The following SKAP2 variants were observed in gnomAD, a reference collection of about 807,000 sequenced individuals.
The protein encoded by SKAP2 is src kinase associated phosphoprotein 2.
A neutral mutation model predicts 54.9 loss-of-function variants in SKAP2; 28 were observed. That is an observed-to-expected ratio of 0.51 (90% CI 0.38 to 0.70). SKAP2 has a LOEUF of 0.70. Ranked by LOEUF, SKAP2 falls within the 30% of genes least tolerant of loss-of-function variation. The pLI, the probability that SKAP2 is intolerant of heterozygous loss-of-function variation, is 0.00. For missense variants in SKAP2, 356 were observed against 424.1 expected (o/e 0.84, Z 1.41); for synonymous variants, 137 against 134.3 (o/e 1.02, Z -0.14).
chr7:26,832,008 T>A (rs186478161), intron 4 of SKAP2, among the ~76,000 whole-genome samples: 6 of 152,268 alleles, frequency 3.9e-5, no homozygotes, highest in Admixed American at 3.3e-4. Context: ...GTAGAAAGTA[T>A]TCTTCCTTCC....
intron 4 of SKAP2, among the ~76,000 whole-genome samples, chr7:26,748,198 C>G (rs1208900306): frequency 1.3e-5 from 2 of 152,068 alleles, no homozygotes; most frequent in Non-Finnish European, 2.9e-5. Context: ...TGAAAAAAAT[C>G]TCTTTAAGAT....
At chr7:26,819,244 A>G (rs977133265) in intron 4 of SKAP2, among the ~76,000 whole-genome samples, 3 of 152,222 alleles carry the variant, frequency 2.0e-5, no homozygotes, top group Non-Finnish European at 4.4e-5. Flanking sequence ...ATGCAGCCAA[A>G]AAAAGGATGA....
intron 6 of SKAP2, among the ~76,000 whole-genome samples, chr7:26,732,735 T>C (rs932710239): frequency 6.6e-6 from 1 of 152,208 alleles, no homozygotes; most frequent in East Asian, 1.9e-4. Flanking sequence ...TATATGAACA[T>C]TCTCCTTTGG....
intron 1 of SKAP2, among the ~76,000 whole-genome samples, chr7:26,856,055 G>A (rs1180391275): frequency 1.3e-5 from 2 of 152,096 alleles, no homozygotes; most frequent in African/African-American, 2.4e-5. Flanking sequence ...TAGAATGTTT[G>A]TAATTCTTGA....
rs565740640 is a variant in SKAP2, at chr7:26,804,662, C to T, written c.307+39368G>A. Among the ~76,000 whole-genome samples, 4 of 151,406 alleles carry T rather than the reference C, an allele frequency of 2.6e-5. No homozygotes were observed. In the South Asian group the frequency reaches 6.3e-4, roughly 24 times the overall value. On this transcript the variant is annotated intron_variant, in intron 4 of 12. Transcript: ENST00000345317. ...GCTGAGGCAGGAGAATCACTTGAAC[C>T]CGGGAGGCGGAGGTTGCAGTGAGCC...
intron 3 of SKAP2, among the ~76,000 whole-genome samples, chr7:26,852,034 G>A (rs143846192): frequency 0.015 from 2,222 of 152,182 alleles, 54 homozygotes; most frequent in African/African-American, 0.05. Flanking sequence ...GTAGAAAGGA[G>A]GAAAAAGGTT....
intron 4 of SKAP2, among the ~76,000 whole-genome samples, chr7:26,832,083 A>G (rs1442541598): frequency 1.3e-5 from 2 of 152,184 alleles, no homozygotes; most frequent in Non-Finnish European, 2.9e-5. Flanking sequence ...AACTTCTTCC[A>G]TAAAACATCT....
chr7:26,749,281 A>T (rs993529023), intron 4 of SKAP2, among the ~76,000 whole-genome samples: 6 of 152,160 alleles, frequency 3.9e-5, no homozygotes, highest in Admixed American at 2.6e-4. Flanking sequence ...ATGAAAAGGA[A>T]CGTTCTTAAC....
intron 9 of SKAP2, among the ~76,000 whole-genome samples, chr7:26,719,616 C>T (rs1787534539): frequency 6.6e-6 from 1 of 152,164 alleles, no homozygotes; most frequent in African/African-American, 2.4e-5. Flanking sequence ...TTTTAGAAAC[C>T]TCTTCCTTCC....
At position 26,704,388 on chromosome 7, in the gene SKAP2, A is replaced by C. The variant is rs545679601; in HGVS notation, c.797-14026T>G. Reference sequence around the variant, plus strand: ...AGCTTCAATCCTAGCCAGGAGCCTAAGAAGATTGATTAATCCTGAATAAGA... The same window carrying C: ...AGCTTCAATCCTAGCCAGGAGCCTACGAAGATTGATTAATCCTGAATAAGA... On this transcript the variant is annotated intron_variant, in intron 9 of 12. Coordinates refer to ENST00000345317, the MANE Select transcript of SKAP2 (RefSeq NM_003930.5). 1.1e-4 allele frequency among the ~76,000 whole-genome samples: 17 copies of C among 152,316 alleles called. No individual in the cohort carries two copies. The South Asian group carries it at 3.5e-3, about 32-fold the overall frequency.
At chr7:26,701,527 G>A (rs2127946118) in intron 9 of SKAP2, among the ~76,000 whole-genome samples, 1 of 152,246 alleles carries the variant, frequency 6.6e-6, no homozygotes, top group Middle Eastern at 3.4e-3. Flanking sequence ...GCAGTCAGGA[G>A]TTTGAAACCA....
intron 11 of SKAP2, among the ~76,000 whole-genome samples, chr7:26,677,811 T>G (rs935473141): frequency 6.6e-6 from 1 of 152,224 alleles, no homozygotes; most frequent in African/African-American, 2.4e-5. Flanking sequence ...GTACTTTGCA[T>G]GAGTGTTCAC....
At chr7:26,739,586 C>T (rs954043271) in intron 5 of SKAP2, among the ~76,000 whole-genome samples, 1 of 152,272 alleles carries the variant, frequency 6.6e-6, no homozygotes. Flanking sequence ...GGTGAGAAAT[C>T]CCACCTTTGA....
At chr7:26,747,651 G>C (rs1275073543) in intron 4 of SKAP2, among the ~76,000 whole-genome samples, 1 of 152,024 alleles carries the variant, frequency 6.6e-6, no homozygotes, top group Non-Finnish European at 1.5e-5. Context: ...TGTAAGATAT[G>C]CTCATGAATA....
In SKAP2 at chr7:26,764,212, G is replaced by T. The variant is rs182905171; in HGVS notation, c.308-24248C>A. Among the ~76,000 whole-genome samples, 627 of 152,238 alleles carry T rather than the reference G, an allele frequency of 4.1e-3. 5 individuals carry two copies. Among genetic ancestry groups the T allele is most frequent in the Admixed American group, 8.6e-3 (131 of 15,286 alleles). On this transcript the variant is annotated intron_variant, in intron 4 of 12. Transcript: ENST00000345317. ...TGTATAGGAAGGTGTGGGTATATAT[G>T]TGTCTACATTAATATTTTTGTAACC...
At chr7:26,731,188 A>G (rs1787818304) in intron 6 of SKAP2, among the ~76,000 whole-genome samples, 1 of 152,200 alleles carries the variant, frequency 6.6e-6, no homozygotes, top group African/African-American at 2.4e-5. Flanking sequence ...ACGCCTGTTA[A>G]CACAGAATTG....
the SKAP2 span, among the ~76,000 whole-genome samples, chr7:26,661,165 A>C: frequency 6.6e-5 from 10 of 152,070 alleles, no homozygotes; most frequent in Non-Finnish European, 8.8e-5. Context: ...ATCTTTTATT[A>C]GCTTTGCCTA....
intron 4 of SKAP2, among the ~76,000 whole-genome samples, chr7:26,786,919 T>C: frequency 6.6e-6 from 1 of 152,200 alleles, no homozygotes. Context: ...TGTAATTAAC[T>C]CAACATTTTG....
At position 26,833,380 on chromosome 7, in the gene SKAP2, A is replaced by G. The variant is rs546554008; in HGVS notation, c.307+10650T>C. On this transcript the variant is annotated intron_variant, in intron 4 of 12. Transcript: ENST00000345317. ...CACTGCACCCCAGCCTGGGTGACAA[A>G]GAGCAAGACTCCGTCTCAAAAAAAA... Among the ~76,000 whole-genome samples the G allele has an allele frequency of 2.7e-5, 4 of 148,238 alleles. No homozygotes were observed. In the East Asian group the frequency reaches 5.9e-4, roughly 22 times the overall value.
Sources: gnomAD v4.1 joint callset for allele counts (sites outside exome capture counted in the v4.1 genomes callset) on GRCh38, gnomAD v4.1.1 for gene constraint, MANE v1.5 for transcripts, NCBI Gene and HGNC (gene_info 2026-07-23, HGNC 2026-07-21) for gene names.